The following SVEP1 variants were observed in gnomAD, a reference collection of about 807,000 sequenced individuals.
SVEP1 encodes sushi, von Willebrand factor type A, EGF and pentraxin domain containing 1.
A neutral mutation model predicts 367.3 loss-of-function variants in SVEP1; 164 were observed. The ratio of observed to expected loss-of-function variants is 0.45; its 90% CI spans 0.39 to 0.51. SVEP1 has a LOEUF of 0.51. SVEP1 is among the 20% of genes least tolerant of loss of function. The pLI is 0.00. For synonymous variants in SVEP1, 1,666 were observed against 1,611.6 expected, an observed-to-expected ratio of 1.03 and a Z score of -0.81; for missense variants, 4,117 against 4,425.3, an observed-to-expected ratio of 0.93 and a Z score of 1.98.
In SVEP1 at chr9:110,472,209, C is replaced by G. The variant is rs375825457; in HGVS notation, c.2714G>C (p.Arg905Thr). The change falls in exon 15 of 48, where the codon AGA becomes ACA. Residue 905 changes from arginine to threonine, a missense_variant. This residue lies in a region of SVEP1 where 2,174 missense variants were observed against 2,494.3 expected (regional missense o/e 0.87). Coordinates refer to ENST00000374469, the MANE Select transcript of SVEP1 (RefSeq NM_153366.4). ...TTTATAGTCAGATAATGGGGCACTTCTTTTAATCCGTGAGGACTTGGCATT... is the reference window on the plus strand; with the variant it reads ...TTTATAGTCAGATAATGGGGCACTTGTTTTAATCCGTGAGGACTTGGCATT... ...IGNAKSSRIK[R>T]SAPLSDYKIK... 3.8e-5 allele frequency: 61 copies of G among 1,613,412 alleles called. No individual in the cohort carries two copies. The highest frequency in any genetic ancestry group is 3.9e-5 in the Non-Finnish European group (46 of 1,179,798).
At chr9:110,507,584 A>T (rs1829644208) in intron 5 of SVEP1, among the ~76,000 whole-genome samples, 1 of 152,230 alleles carries the variant, frequency 6.6e-6, no homozygotes, top group Admixed American at 6.5e-5. Flanking sequence ...CTTGGACCAA[A>T]GTCAAGTATT....
At chr9:110,398,775 C>G (rs1827809931) in intron 40 of SVEP1, among the ~76,000 whole-genome samples, 1 of 152,166 alleles carries the variant, frequency 6.6e-6, no homozygotes, top group Non-Finnish European at 1.5e-5. Context: ...CAGAGAAATG[C>G]AAATCAAAAC....
At chr9:110,486,876 C>G (rs546944045) in intron 9 of SVEP1, among the ~76,000 whole-genome samples, 37 of 152,106 alleles carry the variant, frequency 2.4e-4, no homozygotes, top group African/African-American at 8.9e-4. Context: ...AGCTCCTGAC[C>G]TCAGGTGATT....
chr9:110,492,402 T>G (rs1588079314), intron 8 of SVEP1, among the ~76,000 whole-genome samples: 1 of 152,276 alleles, frequency 6.6e-6, no homozygotes, highest in African/African-American at 2.4e-5. Context: ...GTTAAACTGA[T>G]AATTTACTCC....
intron 16 of SVEP1, among the ~76,000 whole-genome samples, chr9:110,470,690 C>T (rs1383545900): frequency 6.6e-6 from 1 of 151,694 alleles, no homozygotes; most frequent in Non-Finnish European, 1.5e-5. Flanking sequence ...CCCGCCTTGG[C>T]CTCCCAAAGT....
At chr9:110,568,774 C>T (rs1830519936) in intron 1 of SVEP1, among the ~76,000 whole-genome samples, 2 of 151,708 alleles carry the variant, frequency 1.3e-5, no homozygotes, top group African/African-American at 4.8e-5. Flanking sequence ...CATGTAGATA[C>T]ACAAATATAC....
chr9:110,457,450 T>C, intron 20 of SVEP1, 98 bp from the exon 21 acceptor site: 1 of 881,886 alleles, frequency 1.1e-6, no homozygotes, highest in Middle Eastern at 2.6e-4. Context: ...GACAGCTCGT[T>C]CCTCCTGTTT....
intron 45 of SVEP1, 26 bp from the exon 46 acceptor site, chr9:110,375,489 AAGG>A (rs776015892): frequency 1.1e-4 from 149 of 1,362,594 alleles, no homozygotes; most frequent in Admixed American, 7.6e-4. Flanking sequence ...AAAAAAAAAA[AAGG>A]AGGCAGGGGG....
chr9:110,435,180 TGCTAGACA>T, intron 29 of SVEP1, 53 bp downstream of exon 29: 1 of 1,582,176 alleles, frequency 6.3e-7, no homozygotes, highest in South Asian at 1.2e-5. Flanking sequence ...TGTCTTCTTT[TGCTAGACA>T]GTCCCAGGGT....
At chr9:110,432,933 T>C (rs12377444) in intron 30 of SVEP1, among the ~76,000 whole-genome samples, 19,766 of 152,220 alleles carry the variant, frequency 0.13, 1,613 homozygotes, top group South Asian at 0.23. Context: ...AATGTTGGAA[T>C]TGGGGTCTTG....
At chr9:110,433,632 T>C (rs929970292) in intron 30 of SVEP1, among the ~76,000 whole-genome samples, 4 of 151,810 alleles carry the variant, frequency 2.6e-5, no homozygotes, top group Non-Finnish European at 4.4e-5. Context: ...CCACTACGCC[T>C]GGCCAATTTT....
Position 110,482,502 on chromosome 9 carries a change from A to G in SVEP1, c.2039-10T>C. ...ATGACCAATTCAGCCCCTGGAAAGG[A>G]AAGAAGGCAGCCAATTTTTGGGTTG... On this transcript the variant is annotated splice_polypyrimidine_tract_variant and intron_variant, in intron 10 of 47. Transcript: ENST00000374469. 1 of 1,557,886 alleles carries G rather than the reference A, an allele frequency of 6.4e-7. No homozygotes were observed. Among genetic ancestry groups the G allele is most frequent in the Non-Finnish European group, 8.7e-7 (1 of 1,150,390 alleles).
chr9:110,466,826 T>A (rs907538245), intron 17 of SVEP1, among the ~76,000 whole-genome samples: 1 of 150,038 alleles, frequency 6.7e-6, no homozygotes, highest in Non-Finnish European at 1.5e-5. Flanking sequence ...TCCTCCTACC[T>A]AGACACGCCA....
intron 3 of SVEP1, among the ~76,000 whole-genome samples, chr9:110,528,793 G>A (rs1053724506): frequency 1.3e-5 from 2 of 151,374 alleles, no homozygotes; most frequent in African/African-American, 4.8e-5. Flanking sequence ...TTATGGCTAT[G>A]CAGAAGCTTT....
chr9:110,475,390 A>C (rs2118681977), intron 14 of SVEP1, among the ~76,000 whole-genome samples: 2 of 152,314 alleles, frequency 1.3e-5, no homozygotes, highest in South Asian at 4.1e-4. Flanking sequence ...ATAGGTGAGG[A>C]AACTGAGGCA....
chr9:110,525,630 T>C (rs1829930796), intron 3 of SVEP1, among the ~76,000 whole-genome samples: 1 of 152,070 alleles, frequency 6.6e-6, no homozygotes, highest in Non-Finnish European at 1.5e-5. Flanking sequence ...TAAAGAAGAA[T>C]ACAGTAGAAG....
At chr9:110,542,788 T>C (rs1830167499) in intron 3 of SVEP1, among the ~76,000 whole-genome samples, 1 of 140,058 alleles carries the variant, frequency 7.1e-6, no homozygotes, top group Non-Finnish European at 1.5e-5. Flanking sequence ...GAGCATTTTT[T>C]CATGTGTCTG....
In SVEP1 at chr9:110,411,753, A is replaced by T; in HGVS notation, c.5976-18T>A. On this transcript the variant is annotated intron_variant, in intron 36 of 47. Transcript: ENST00000374469. ...GAGTATAGCTGTGAGGTTGGGAAGAAAGAAAGAATAACTAAGCATAATATT... is the reference window on the plus strand; with the variant it reads ...GAGTATAGCTGTGAGGTTGGGAAGATAGAAAGAATAACTAAGCATAATATT... The T allele has an allele frequency of 6.7e-7, 1 of 1,484,524 alleles. No individual in the cohort carries two copies. The highest frequency in any genetic ancestry group is 9.0e-7 in the Non-Finnish European group (1 of 1,114,186). The allele number at this position is 1,484,524 out of a possible 1,614,324, so 92.0% of individuals were successfully genotyped here. A position where few individuals can be genotyped will look rare whatever the true frequency, so the allele number is the denominator to read the frequency against.
chr9:110,492,885 G>T (rs1340759092), intron 8 of SVEP1, among the ~76,000 whole-genome samples: 1 of 152,114 alleles, frequency 6.6e-6, no homozygotes, highest in East Asian at 1.9e-4. Flanking sequence ...CGACACCCAT[G>T]CCTTGGAGTT....
Sources: gnomAD v4.1 joint callset for allele counts (sites outside exome capture counted in the v4.1 genomes callset) on GRCh38, gnomAD v4.1.1 for gene constraint, gnomAD v4.1.1 regional missense constraint, MANE v1.5 for transcripts, NCBI Gene and HGNC (gene_info 2026-07-23, HGNC 2026-07-21) for gene names.